LDLRAD4: variants seen among roughly 807,000 people sequenced by gnomAD.
The protein encoded by LDLRAD4 is low density lipoprotein receptor class A domain containing 4.
A neutral mutation model predicts 17.0 loss-of-function variants in LDLRAD4; 5 were observed. That is an observed-to-expected ratio of 0.29 (90% CI 0.15 to 0.62). The LOEUF (loss-of-function observed/expected upper bound fraction) is 0.62, where lower values mean the gene tolerates loss of function less well. LDLRAD4 is among the 20% of genes least tolerant of loss of function. The probability of loss-of-function intolerance (pLI) is 0.84; values close to 1 mark genes in which losing one functional copy is unlikely to be tolerated. For missense variants in LDLRAD4, 340 were observed against 424.7 expected, an observed-to-expected ratio of 0.80 and a Z score of 1.75; for synonymous variants, 168 against 171.8, an observed-to-expected ratio of 0.98 and a Z score of 0.17.
At chr18:13,439,436 A>C (rs2146186954) in intron 3 of LDLRAD4, among the ~76,000 whole-genome samples, 1 of 152,346 alleles carries the variant, frequency 6.6e-6, no homozygotes, top group South Asian at 2.1e-4. Flanking sequence ...TAGTACAAAT[A>C]GTTTTTCTCA....
At position 13,612,997 on chromosome 18, in the gene LDLRAD4, A is replaced by C. The variant is rs1601712629; in HGVS notation, c.182-8120A>C. 5 of 537,254 alleles carry C rather than the reference A, an allele frequency of 9.3e-6. No homozygotes were observed. In the East Asian group the frequency reaches 1.6e-4, roughly 17 times the overall value. 33.3% of individuals were successfully genotyped at this position (537,254 alleles called of 1,614,324 possible). ...TTCATCTTCTTTCAAGCCTGGAATT[A>C]GTTTGTTCCTGTTGGAGGTGTTATG... On this transcript the variant is annotated intron_variant, in intron 3 of 5. Coordinates refer to ENST00000359446, the Ensembl canonical transcript of LDLRAD4.
At chr18:13,401,612 C>T (rs1158222475) in intron 2 of LDLRAD4, among the ~76,000 whole-genome samples, 1 of 152,144 alleles carries the variant, frequency 6.6e-6, no homozygotes, top group African/African-American at 2.4e-5. Context: ...GTGCTCAGGT[C>T]TGGACAGCCT....
Position 13,575,073 on chromosome 18 carries a change from T to A in LDLRAD4, c.182-46044T>A, listed in dbSNP as rs1568359246. Among the ~76,000 whole-genome samples, 5 of 152,282 alleles carry A rather than the reference T, an allele frequency of 3.3e-5. No homozygotes were observed. In the South Asian group the frequency reaches 1.0e-3, roughly 32 times the overall value. On this transcript the variant is annotated intron_variant, in intron 3 of 5. Transcript: ENST00000359446. Reference sequence around the variant, plus strand: ...AAAGGAAAAGGGTTTGTTTGTTTTTTATTTTAATTTTTATTTCTGTAGGTT... The same window carrying A: ...AAAGGAAAAGGGTTTGTTTGTTTTTAATTTTAATTTTTATTTCTGTAGGTT...
chr18:13,226,125 A>G lies in LDLRAD4; in HGVS notation c.-467+7137A>G, dbSNP rs370670544. Among the ~76,000 whole-genome samples, 8 of 142,966 alleles carry G rather than the reference A, an allele frequency of 5.6e-5. No individual in the cohort carries two copies. In the South Asian group the frequency reaches 1.4e-3, roughly 24 times the overall value. 93.8% of individuals were successfully genotyped at this position (142,966 alleles called of 152,430 possible). A position where few individuals can be genotyped will look rare whatever the true frequency, so the allele number is the denominator to read the frequency against. On this transcript the variant is annotated intron_variant, in intron 1 of 5. Transcript: ENST00000399848. Reference sequence around the variant, plus strand: ...AACCGCCATTTCTCAGGCTTGTGGCATCCTCTGCCCTCAGCCTCCTAAGTA... The same window carrying G: ...AACCGCCATTTCTCAGGCTTGTGGCGTCCTCTGCCCTCAGCCTCCTAAGTA...
intron 3 of LDLRAD4, among the ~76,000 whole-genome samples, chr18:13,617,262 C>G (rs2040180153): frequency 6.6e-6 from 1 of 152,204 alleles, no homozygotes; most frequent in Non-Finnish European, 1.5e-5. Flanking sequence ...ATTCCATGCA[C>G]TGTTTCATAC....
chr18:13,628,323 T>C (rs910439167), intron 4 of LDLRAD4, among the ~76,000 whole-genome samples: 1 of 152,190 alleles, frequency 6.6e-6, no homozygotes, highest in East Asian at 1.9e-4. Flanking sequence ...TCTGGCATCA[T>C]TGTGGGGATG....
intron 1 of LDLRAD4, among the ~76,000 whole-genome samples, chr18:13,328,992 T>G (rs1226734735): frequency 3.3e-5 from 5 of 152,218 alleles, no homozygotes; most frequent in Non-Finnish European, 5.9e-5. Flanking sequence ...TCCTCACATA[T>G]CAGTTCACAG....
At chr18:13,350,201 G>T (rs1276567344) in intron 1 of LDLRAD4, among the ~76,000 whole-genome samples, 1 of 152,126 alleles carries the variant, frequency 6.6e-6, no homozygotes, top group Non-Finnish European at 1.5e-5. Context: ...TTGAGGAATC[G>T]CCACACTGTC....
chr18:13,252,416 A>G (rs2043270357), intron 1 of LDLRAD4, among the ~76,000 whole-genome samples: 1 of 152,246 alleles, frequency 6.6e-6, no homozygotes, highest in African/African-American at 2.4e-5. Context: ...GGCGTGAGCA[A>G]CTGTGCCCGG....
intron 3 of LDLRAD4, among the ~76,000 whole-genome samples, chr18:13,450,288 C>G: frequency 6.7e-6 from 1 of 148,676 alleles, no homozygotes. Flanking sequence ...CTGGAAATGA[C>G]AGGACCTGGG....
At chr18:13,362,942 T>C (rs183436363) in intron 1 of LDLRAD4, among the ~76,000 whole-genome samples, 86 of 152,038 alleles carry the variant, frequency 5.7e-4, no homozygotes, top group African/African-American at 2.0e-3. Context: ...TGGGGAAAAA[T>C]GGAACATATT....
At chr18:13,388,908 C>T (rs764497380) in intron 2 of LDLRAD4, among the ~76,000 whole-genome samples, 6 of 152,200 alleles carry the variant, frequency 3.9e-5, no homozygotes, top group South Asian at 2.1e-4. Flanking sequence ...GTGCCTTCCC[C>T]GAGTTGTGGG....
chr18:13,620,773 G>A lies in LDLRAD4; in HGVS notation c.182-344G>A, dbSNP rs1385577904. 1.9e-5 allele frequency: 6 copies of A among 311,482 alleles called. No individual in the cohort carries two copies. In the East Asian group the frequency reaches 2.5e-4, roughly 13 times the overall value. 19.3% of individuals were successfully genotyped at this position (311,482 alleles called of 1,614,324 possible). ...TCCTTTCAAGTATGGGTCCCTAGGG[G>A]AATTGCTTTGAGAAACTCCACTCAA... On this transcript the variant is annotated intron_variant, in intron 3 of 5. Transcript: ENST00000359446.
At chr18:13,565,682 A>G (rs542202262) in intron 3 of LDLRAD4, among the ~76,000 whole-genome samples, 17 of 152,326 alleles carry the variant, frequency 1.1e-4, no homozygotes, top group South Asian at 6.2e-4. Context: ...TCATGCCGTG[A>G]GCATAACCTT....
At chr18:13,534,205 T>C (rs2094169945) in intron 3 of LDLRAD4, among the ~76,000 whole-genome samples, 1 of 152,244 alleles carries the variant, frequency 6.6e-6, no homozygotes, top group Admixed American at 6.5e-5. Context: ...ACTTTTTTTC[T>C]TTAATGTGGC....
chr18:13,600,185 C>A (rs186878912), intron 3 of LDLRAD4, among the ~76,000 whole-genome samples: 1 of 152,172 alleles, frequency 6.6e-6, no homozygotes, highest in Admixed American at 6.5e-5. Flanking sequence ...GCATATCAGG[C>A]CTGTGATTTT....
chr18:13,388,472 C>T (rs1043386803), intron 2 of LDLRAD4, among the ~76,000 whole-genome samples: 5 of 152,218 alleles, frequency 3.3e-5, no homozygotes, highest in African/African-American at 1.2e-4. Flanking sequence ...TCATGGAATC[C>T]AGGGAGAATG....
intron 3 of LDLRAD4, among the ~76,000 whole-genome samples, chr18:13,447,019 G>T (rs2091453938): frequency 1.3e-5 from 2 of 152,146 alleles, no homozygotes; most frequent in African/African-American, 2.4e-5. Context: ...GGGGTGAGGG[G>T]CTCTGGGTTT....
chr18:13,430,194 T>A (rs1254566953), intron 2 of LDLRAD4, among the ~76,000 whole-genome samples: 1 of 152,200 alleles, frequency 6.6e-6, no homozygotes, highest in Non-Finnish European at 1.5e-5. Context: ...TCAACACCTG[T>A]GCATCTGCCT....
Sources: allele counts gnomAD v4.1 joint callset (sites outside exome capture counted in the v4.1 genomes callset), GRCh38; gene constraint gnomAD v4.1.1; transcripts MANE v1.5; gene names NCBI Gene and HGNC (gene_info 2026-07-23, HGNC 2026-07-21).